The following B3GNT5 variants were observed in gnomAD, a reference collection of about 807,000 sequenced individuals.
B3GNT5 encodes the protein lactosylceramide 1,3-N-acetyl-beta-D-glucosaminyltransferase.
In B3GNT5, 11 loss-of-function variants were observed where a neutral mutation model predicts 25.9. The observed-to-expected ratio is 0.42, with a 90% CI of 0.27 to 0.70. The LOEUF (loss-of-function observed/expected upper bound fraction) is 0.70, where lower values mean the gene tolerates loss of function less well. Among genes scored for constraint, B3GNT5 ranks in the 30% least tolerant of loss-of-function variants. The pLI, the probability that B3GNT5 is intolerant of heterozygous loss-of-function variation, is 0.23. For missense variants in B3GNT5, 385 were observed against 458.4 expected, an observed-to-expected ratio of 0.84 and a Z score of 1.46; for synonymous variants, 166 against 158.6, an observed-to-expected ratio of 1.05 and a Z score of -0.35.
Position 183,272,765 on chromosome 3 carries a change from A to AT in B3GNT5, c.*1832dup, listed in dbSNP as rs1726892006. On this transcript the variant is annotated 3_prime_UTR_variant, in exon 2 of 2. Transcript: ENST00000326505. ...TTATTAGTTGATTGATTAATGATGTATTGCCTTTTGCCCATATATACCCTG... is the reference window on the plus strand; with the variant it reads ...TTATTAGTTGATTGATTAATGATGTATTTGCCTTTTGCCCATATATACCCTG... 1 of 1,093,258 alleles carries AT rather than the reference A, an allele frequency of 9.1e-7. No individual in the cohort carries two copies. Among genetic ancestry groups the AT allele is most frequent in the East Asian group, 5.9e-5 (1 of 16,892 alleles). The allele number at this position is 1,093,258 out of a possible 1,614,324, so 67.7% of individuals were successfully genotyped here.
Position 183,270,814 on chromosome 3 carries a change from C to G in B3GNT5, c.1016C>G (p.Pro339Arg). The change falls in exon 2 of 2, where the codon CCT becomes CGT. Residue 339 changes from proline to arginine, a missense_variant. Pro to Arg is a moderately radical substitution (Grantham distance 103). Coordinates refer to ENST00000326505, the MANE Select transcript of B3GNT5 (RefSeq NM_032047.5). The surrounding 1 kb of genome is among the most constrained non-coding windows in gnomAD (Gnocchi z 4.5). ...LQDLWKNATD[P>R]KVKTISKGFF... ...GACCTTTGGAAGAATGCTACAGATC[C>G]TAAAGTAAAAACCATTTCCAAAGGT... is the stretch of plus-strand genomic sequence containing the variant. 1 of 1,613,874 alleles carries G rather than the reference C, an allele frequency of 6.2e-7. No individual in the cohort carries two copies. Among genetic ancestry groups the G allele is most frequent in the Non-Finnish European group, 8.5e-7 (1 of 1,179,964 alleles).
At chr3:183,262,659 G>C (rs1306988788) in intron 1 of B3GNT5, among the ~76,000 whole-genome samples, 1 of 151,472 alleles carries the variant, frequency 6.6e-6, no homozygotes, top group Non-Finnish European at 1.5e-5. Flanking sequence ...AGGAGCTGAT[G>C]GTGTGTCTGA....
At chr3:183,256,312 C>T (rs1725040251) in intron 1 of B3GNT5, among the ~76,000 whole-genome samples, 1 of 152,122 alleles carries the variant, frequency 6.6e-6, no homozygotes, top group Non-Finnish European at 1.5e-5. Flanking sequence ...GTAACCAGAA[C>T]AGTGTAAATC....
intron 1 of B3GNT5, among the ~76,000 whole-genome samples, chr3:183,259,252 G>A (rs1725365647): frequency 6.6e-6 from 1 of 152,172 alleles, no homozygotes; most frequent in Non-Finnish European, 1.5e-5. Context: ...AGTGAACGTT[G>A]TTCTTCTAGT....
At chr3:183,260,515 A>AT (rs1725485536) in intron 1 of B3GNT5, among the ~76,000 whole-genome samples, 2 of 152,160 alleles carry the variant, frequency 1.3e-5, no homozygotes, top group African/African-American at 4.8e-5. Context: ...TTTGTTTCAA[A>AT]TTTTGCATAA....
chr3:183,269,796 G>T lies in B3GNT5; in HGVS notation c.-3G>T. ...TCCTAACTAAAAACAGACTTGAGTG[G>T]ATATGAGAATGTTGGTTAGTGGCAG... On this transcript the variant is annotated 5_prime_UTR_variant, in exon 2 of 2. Transcript: ENST00000326505. 1 of 1,598,324 alleles carries T rather than the reference G, an allele frequency of 6.3e-7. No individual in the cohort carries two copies. The highest frequency in any genetic ancestry group is 1.7e-5 in the Admixed American group (1 of 58,616).
At position 183,270,513 on chromosome 3, in the gene B3GNT5, G is replaced by C. The variant is rs772844252; in HGVS notation, c.715G>C (p.Val239Leu). Residue 239 changes from valine (V) to leucine (L), a missense_variant, in exon 2 of 2, where the codon GTG becomes CTG. By Grantham distance (32) the Val-to-Leu change is conservative. Coordinates refer to ENST00000326505, the MANE Select transcript of B3GNT5 (RefSeq NM_032047.5). The surrounding 1 kb of genome is among the most constrained non-coding windows in gnomAD (Gnocchi z 4.5). ...PIRDKSSKYY[V>L]SYEMYQWPAY... ...TAGAGATAAAAGCAGCAAATACTAC[G>C]TGTCCTATGAAATGTACCAGTGGCC... 6.2e-7 allele frequency: 1 copy of C among 1,613,994 alleles called. No individual in the cohort carries two copies. The highest frequency in any genetic ancestry group is 1.3e-5 in the African/African-American group (1 of 74,908).
intron 1 of B3GNT5, among the ~76,000 whole-genome samples, chr3:183,259,336 G>A (rs114169124): frequency 1.1e-3 from 164 of 152,218 alleles, no homozygotes; most frequent in African/African-American, 3.6e-3. Context: ...AGTAGTGGCT[G>A]TTTGTAGCAT....
rs1576965074 is a variant in B3GNT5 at position 183,253,475 on chromosome 3, A to G, written c.-302+3A>G. On this transcript the variant is annotated splice_donor_region_variant and intron_variant, in intron 1 of 1. Coordinates refer to ENST00000326505, the MANE Select transcript of B3GNT5 (RefSeq NM_032047.5). ...TTGAAATGAAGCTGGACTTGGAGGT[A>G]AAGTCACTGGGAAGCTGGCCTGGGG... 6.6e-6 allele frequency: 1 copy of G among 151,856 alleles called. No homozygotes were observed. Among genetic ancestry groups the G allele is most frequent in the Non-Finnish European group, 1.5e-5 (1 of 68,010 alleles). 9.4% of individuals were successfully genotyped at this position (151,856 alleles called of 1,614,324 possible).
Position 183,270,102 on chromosome 3 carries a change from G to A in B3GNT5, c.304G>A (p.Asp102Asn). 1 of 1,614,118 alleles carries A rather than the reference G, an allele frequency of 6.2e-7. No individual in the cohort carries two copies. The highest frequency in any genetic ancestry group is 8.5e-7 in the Non-Finnish European group (1 of 1,180,040). The change falls in exon 2 of 2, where the codon GAT becomes AAT. Residue 102 changes from aspartate (D) to asparagine (N), a missense_variant. Physicochemically the swap from Asp to Asn is conservative, Grantham distance 23. Coordinates refer to ENST00000326505, the MANE Select transcript of B3GNT5 (RefSeq NM_032047.5). The surrounding 1 kb of genome is among the most constrained non-coding windows in gnomAD (Gnocchi z 4.5). ...LFVKTAPENY[D>N]RRSGIRRTWG... ...TGTAAAAACTGCTCCTGAAAACTAT[G>A]ATCGACGTTCCGGAATTAGAAGGAC...
chr3:183,257,624 CT>C (rs1353280253), intron 1 of B3GNT5, among the ~76,000 whole-genome samples: 1 of 152,124 alleles, frequency 6.6e-6, no homozygotes, highest in African/African-American at 2.4e-5. Flanking sequence ...CCATCTTCTA[CT>C]TTTTGTACCT....
chr3:183,267,309 T>C lies in B3GNT5; in HGVS notation c.-301-2189T>C, dbSNP rs1726247522. 6.6e-6 allele frequency among the ~76,000 whole-genome samples: 1 copy of C among 152,268 alleles called. No homozygotes were observed. Among genetic ancestry groups the C allele is most frequent in the African/African-American group, 2.4e-5 (1 of 41,476 alleles). On this transcript the variant is annotated intron_variant, in intron 1 of 1. Coordinates refer to ENST00000326505, the MANE Select transcript of B3GNT5 (RefSeq NM_032047.5). The surrounding 1 kb of genome is among the most constrained non-coding windows in gnomAD (Gnocchi z 5.5). ...AAGTGTGCCCTATACTGATTATCTC[T>C]GGACAAAGTCTGAATGGGGCTTGGC...
rs1403849227 is a variant in B3GNT5 at position 183,262,315 on chromosome 3, T to C, written c.-301-7183T>C. Among the ~76,000 whole-genome samples the C allele has an allele frequency of 2.6e-5, 4 of 152,156 alleles. No homozygotes were observed. In the East Asian group the frequency reaches 7.7e-4, roughly 29 times the overall value. ...CAGACATGTCCATGGAAGTTGGCAA[T>C]ATTCAGCCCCCAGCAGGCCCCAGTC... On this transcript the variant is annotated intron_variant, in intron 1 of 1. Coordinates refer to ENST00000326505, the MANE Select transcript of B3GNT5 (RefSeq NM_032047.5).
At chr3:183,262,078 T>C (rs1207524352) in intron 1 of B3GNT5, among the ~76,000 whole-genome samples, 1 of 149,168 alleles carries the variant, frequency 6.7e-6, no homozygotes, top group Non-Finnish European at 1.5e-5. Flanking sequence ...ATTATATATA[T>C]ATATACCAAA....
intron 1 of B3GNT5, among the ~76,000 whole-genome samples, chr3:183,264,146 C>G (rs910720466): frequency 2.0e-5 from 3 of 152,192 alleles, no homozygotes; most frequent in Non-Finnish European, 4.4e-5. Context: ...TCTGTACCCC[C>G]CTAAGACTCC....
intron 1 of B3GNT5, chr3:183,265,816 T>TG (rs1473185986): frequency 6.6e-6 from 1 of 150,768 alleles, no homozygotes; most frequent in Non-Finnish European, 1.5e-5. Flanking sequence ...GTATTATCAG[T>TG]GAGATCTGGT....
In B3GNT5 at chr3:183,272,836, A is replaced by G. The variant is rs191025704; in HGVS notation, c.*1901A>G. 8 of 1,240,436 alleles carry G rather than the reference A, an allele frequency of 6.4e-6. No homozygotes were observed. The highest frequency in any genetic ancestry group is 7.1e-5 in the East Asian group (2 of 28,066). The allele number at this position is 1,240,436 out of a possible 1,614,324, so 76.8% of individuals were successfully genotyped here. On this transcript the variant is annotated 3_prime_UTR_variant, in exon 2 of 2. Transcript: ENST00000326505. ...TTTAAGGTTGCCATTGGTTGAAAAC[A>G]TAAGTGTCTCTGGCCATCAAAGTGA...
chr3:183,265,869 G>C (rs1376584892), intron 1 of B3GNT5: 3 of 152,190 alleles, frequency 2.0e-5, no homozygotes, highest in Non-Finnish European at 4.4e-5. Context: ...AAACTACTGA[G>C]GGGGAGAATT....
chr3:183,269,517 T>G lies in B3GNT5; in HGVS notation c.-282T>G. On this transcript the variant is annotated 5_prime_UTR_variant, in exon 2 of 2. The change abolishes an upstream ATG in the 5' untranslated region. Transcript: ENST00000326505. ...TGATAGGTGGCATGGAATATTCACATGGGAGAGCCGCATGAGGCCGCCCAC... is the reference window on the plus strand; with the variant it reads ...TGATAGGTGGCATGGAATATTCACAGGGGAGAGCCGCATGAGGCCGCCCAC... The G allele has an allele frequency of 5.7e-6, 2 of 348,710 alleles. No homozygotes were observed. Among genetic ancestry groups the G allele is most frequent in the Non-Finnish European group, 5.2e-6 (1 of 193,504 alleles). 21.6% of individuals were successfully genotyped at this position (348,710 alleles called of 1,614,324 possible). A position where few individuals can be genotyped will look rare whatever the true frequency, so the allele number is the denominator to read the frequency against.
Sources: allele counts gnomAD v4.1 joint callset (sites outside exome capture counted in the v4.1 genomes callset), GRCh38; gene constraint gnomAD v4.1.1; non-coding constraint Gnocchi (gnomAD v3.1); transcripts MANE v1.5; gene names NCBI Gene and HGNC (gene_info 2026-07-23, HGNC 2026-07-21).